CDCP1: variants seen among roughly 807,000 people sequenced by gnomAD.
The protein encoded by CDCP1 is CUB domain-containing protein 1.
In CDCP1, 29 loss-of-function variants were observed where a neutral mutation model predicts 60.2. The observed-to-expected ratio is 0.48, with a 90% CI of 0.36 to 0.66. The LOEUF is 0.66. CDCP1 is among the 30% of genes least tolerant of loss of function. The pLI, the probability that CDCP1 is intolerant of heterozygous loss-of-function variation, is 0.00. For missense variants in CDCP1, 876 were observed against 1,074.3 expected, an observed-to-expected ratio of 0.82 and a Z score of 2.58; for synonymous variants, 387 against 431.1, an observed-to-expected ratio of 0.90 and a Z score of 1.27.
At chr3:45,143,461 C>T (rs1699328875) in intron 1 of CDCP1, among the ~76,000 whole-genome samples, 1 of 152,174 alleles carries the variant, frequency 6.6e-6, no homozygotes, top group Non-Finnish European at 1.5e-5. Context: ...CTGGAAGCAA[C>T]TTAAATGTCC....
chr3:45,112,559 C>T, intron 2 of CDCP1, 114 bp from the exon 3 acceptor site: 2 of 1,460,844 alleles, frequency 1.4e-6, no homozygotes, highest in South Asian at 1.4e-5. Context: ...CCCAAGGTGG[C>T]CTTTACCAGG....
At chr3:45,119,175 T>C (rs1392939862) in intron 1 of CDCP1, among the ~76,000 whole-genome samples, 1 of 152,172 alleles carries the variant, frequency 6.6e-6, no homozygotes. Flanking sequence ...ATAATCATAT[T>C]ATATCAATGA....
chr3:45,094,005 C>T (rs755548338), intron 5 of CDCP1, among the ~76,000 whole-genome samples: 29 of 152,120 alleles, frequency 1.9e-4, no homozygotes, highest in Non-Finnish European at 3.7e-4. Context: ...TCCACCCAGA[C>T]GTGTTGCTCA....
chr3:45,092,788 G>A (rs556003163), intron 6 of CDCP1, among the ~76,000 whole-genome samples: 1 of 152,156 alleles, frequency 6.6e-6, no homozygotes, highest in Non-Finnish European at 1.5e-5. Flanking sequence ...AGCCTCCCAG[G>A]AGGGTCGGGT....
intron 1 of CDCP1, among the ~76,000 whole-genome samples, chr3:45,143,542 T>C (rs1001417947): frequency 1.3e-5 from 2 of 152,230 alleles, no homozygotes; most frequent in Admixed American, 6.5e-5. Flanking sequence ...TGAGCGTGCA[T>C]ACATACACAT....
chr3:45,102,239 G>A (rs13089885), intron 4 of CDCP1, among the ~76,000 whole-genome samples: 21,306 of 151,796 alleles, frequency 0.14, 1,655 homozygotes, highest in Middle Eastern at 0.23. Flanking sequence ...GCCTGGCTAA[G>A]TTTTGTACTT....
chr3:45,114,054 G>A (rs1465826683), intron 2 of CDCP1, among the ~76,000 whole-genome samples: 1 of 152,156 alleles, frequency 6.6e-6, no homozygotes, highest in African/African-American at 2.4e-5. Flanking sequence ...CCTGCAGGCC[G>A]TTTAAAAACT....
chr3:45,109,150 C>T (rs538136642), intron 4 of CDCP1, among the ~76,000 whole-genome samples: 21 of 151,398 alleles, frequency 1.4e-4, no homozygotes, highest in African/African-American at 4.1e-4. Context: ...GGTTTTGCCA[C>T]GTAGGCCAGG....
At position 45,108,951 on chromosome 3, in the gene CDCP1, A is replaced by ATTTTTT. The variant is rs1232293607; in HGVS notation, c.1024+1521_1024+1522insAAAAAA. ...TGCATGTATACATATATATATATAT[A>ATTTTTT]TATTTTTTTTTTTTTTGAGATGGAG... On this transcript the variant is annotated intron_variant, in intron 4 of 8. Transcript: ENST00000296129. Among the ~76,000 whole-genome samples the ATTTTTT allele has an allele frequency of 2.8e-4, 7 of 25,096 alleles. 3 individuals are homozygous for ATTTTTT. The Admixed American group carries it at 2.9e-3, about 11-fold the overall frequency. The allele number at this position is 25,096 out of a possible 152,430, so 16.5% of individuals were successfully genotyped here. A position where few individuals can be genotyped will look rare whatever the true frequency, so the allele number is the denominator to read the frequency against.
At chr3:45,130,256 G>A (rs1210009396) in intron 1 of CDCP1, among the ~76,000 whole-genome samples, 1 of 151,800 alleles carries the variant, frequency 6.6e-6, no homozygotes, top group African/African-American at 2.4e-5. Context: ...TGGATAGCTG[G>A]GACCTCAAAC....
At chr3:45,135,171 G>C (rs1259470632) in intron 1 of CDCP1, among the ~76,000 whole-genome samples, 1 of 147,154 alleles carries the variant, frequency 6.8e-6, no homozygotes, top group African/African-American at 2.5e-5. Flanking sequence ...TCAATGTTGG[G>C]ACCAGCCAGT....
chr3:45,095,249 A>T, intron 5 of CDCP1, 98 bp downstream of exon 5: 1 of 1,118,508 alleles, frequency 8.9e-7, no homozygotes, highest in Non-Finnish European at 1.3e-6. Context: ...GGCCTTTTTG[A>T]TATGATTTAC....
chr3:45,131,060 C>T (rs1273994990), intron 1 of CDCP1, among the ~76,000 whole-genome samples: 25 of 152,034 alleles, frequency 1.6e-4, no homozygotes, highest in Admixed American at 1.5e-3. Flanking sequence ...TTTGTAGAGA[C>T]GGGGGTCTTC....
rs572441525 is a variant in CDCP1, at chr3:45,142,754, G to A, written c.82+3452C>T. ...CCCAGCAACTCTGCTTCCAGAACAC[G>A]GAAATACGCGTGCAAAGACCTAAGA... is the stretch of plus-strand genomic sequence containing the variant. On this transcript the variant is annotated intron_variant, in intron 1 of 8. Transcript: ENST00000296129. 7.3e-5 allele frequency among the ~76,000 whole-genome samples: 11 copies of A among 151,484 alleles called. 1 individual carries two copies. Among genetic ancestry groups the A allele is most frequent in the Admixed American group, 2.6e-4 (4 of 15,200 alleles).
chr3:45,118,286 CTG>C lies in CDCP1; in HGVS notation c.292+124_292+125del, dbSNP rs1698826718. 1.5e-5 allele frequency: 11 copies of C among 722,936 alleles called. No homozygotes were observed. The East Asian group carries it at 2.9e-4, about 19-fold the overall frequency. The allele number at this position is 722,936 out of a possible 1,614,324, so 44.8% of individuals were successfully genotyped here. A position where few individuals can be genotyped will look rare whatever the true frequency, so the allele number is the denominator to read the frequency against. On this transcript the variant is annotated intron_variant, in intron 2 of 8. Coordinates refer to ENST00000296129, the MANE Select transcript of CDCP1 (RefSeq NM_022842.5). ...GCCACATCAGAGCTAAATTAAAAAA[CTG>C]TAGAGTTTCAGAATAGATCTTAGCT... is the stretch of plus-strand genomic sequence containing the variant.
At chr3:45,122,144 ATT>A (rs145595755) in intron 1 of CDCP1, among the ~76,000 whole-genome samples, 5 of 138,284 alleles carry the variant, frequency 3.6e-5, no homozygotes, top group East Asian at 2.1e-4. Flanking sequence ...TATAATCTGT[ATT>A]TTTTTTTTTT....
intron 1 of CDCP1, among the ~76,000 whole-genome samples, chr3:45,121,424 G>A (rs1179933280): frequency 1.3e-5 from 2 of 152,138 alleles, no homozygotes; most frequent in Non-Finnish European, 2.9e-5. Context: ...TCATGAAAAC[G>A]TCTAACTGTG....
At chr3:45,133,590 C>T (rs1335764320) in intron 1 of CDCP1, among the ~76,000 whole-genome samples, 2 of 20,002 alleles carry the variant, frequency 1.0e-4, no homozygotes, top group African/African-American at 2.0e-4. Context: ...TGGTAGCGGG[C>T]GCCTGTAGTC....
In CDCP1 at chr3:45,091,049, C is replaced by G. The variant is rs1189806817; in HGVS notation, c.1993+124G>C. 1 of 1,069,252 alleles carries G rather than the reference C, an allele frequency of 9.4e-7. No homozygotes were observed. Among genetic ancestry groups the G allele is most frequent in the Non-Finnish European group, 1.3e-6 (1 of 744,306 alleles). 66.2% of individuals were successfully genotyped at this position (1,069,252 alleles called of 1,614,324 possible). Reference sequence around the variant, plus strand: ...TTACTCAGCACTATTGATGCAATAGCTGACTGATACATGGACAGTCAGGAC... The same window carrying G: ...TTACTCAGCACTATTGATGCAATAGGTGACTGATACATGGACAGTCAGGAC... On this transcript the variant is annotated intron_variant, in intron 7 of 8. Transcript: ENST00000296129. This position sits in a 1 kb window ranked among gnomAD's most constrained non-coding sequence, Gnocchi z 4.8.
Sources: gnomAD v4.1 joint callset for allele counts (sites outside exome capture counted in the v4.1 genomes callset) on GRCh38, gnomAD v4.1.1 for gene constraint, Gnocchi (gnomAD v3.1) non-coding constraint, MANE v1.5 for transcripts, NCBI Gene and HGNC (gene_info 2026-07-23, HGNC 2026-07-21) for gene names.